Variants in NLGN1 observed in about 807,000 individuals in gnomAD.
NLGN1 encodes neuroligin-1.
Under a neutral mutation model 65.5 loss-of-function variants are expected in NLGN1, and 12 were observed. That is an observed-to-expected ratio of 0.18 (90% confidence interval 0.12 to 0.30). The LOEUF (loss-of-function observed/expected upper bound fraction) is 0.30. Ranked by LOEUF, NLGN1 falls within the 10% of genes least tolerant of loss-of-function variation. The probability of loss-of-function intolerance (pLI) is 1.00; values close to 1 mark genes in which losing one functional copy is unlikely to be tolerated. For missense variants in NLGN1, 750 were observed against 1,007.1 expected, an observed-to-expected ratio of 0.74 and a Z score of 3.46; for synonymous variants, 350 against 359.5, an observed-to-expected ratio of 0.97 and a Z score of 0.30.
chr3:173,518,455 ATAGT>A (rs1207077045), intron 2 of NLGN1, among the ~76,000 whole-genome samples: 2 of 148,750 alleles, frequency 1.3e-5, no homozygotes, highest in Non-Finnish European at 3.0e-5. Context: ...ATGTGTATAC[ATAGT>A]TATAGTTATA....
chr3:173,884,180 T>G (rs1349165348), intron 4 of NLGN1, among the ~76,000 whole-genome samples: 1 of 152,120 alleles, frequency 6.6e-6, no homozygotes, highest in Non-Finnish European at 1.5e-5. Context: ...TGAAAGGAGT[T>G]CTCTGCTCAG....
chr3:173,519,077 C>A (rs1195200820), intron 2 of NLGN1, among the ~76,000 whole-genome samples: 2 of 152,216 alleles, frequency 1.3e-5, no homozygotes, highest in African/African-American at 4.8e-5. Context: ...GCTCAGGTCA[C>A]TGCTTCAGAG....
chr3:173,703,740 C>T (rs1030919674), intron 3 of NLGN1, among the ~76,000 whole-genome samples: 4 of 152,160 alleles, frequency 2.6e-5, no homozygotes, highest in African/African-American at 9.7e-5. Context: ...TTAAGTAGCA[C>T]AAGGTCTTTC....
intron 4 of NLGN1, among the ~76,000 whole-genome samples, chr3:173,932,506 TAAA>T (rs35391510): frequency 6.3e-5 from 9 of 142,080 alleles, no homozygotes; most frequent in African/African-American, 2.3e-4. Context: ...GCACATTATT[TAAA>T]AAAAAAAAAA....
At chr3:173,772,650 A>C (rs1230196412) in intron 3 of NLGN1, among the ~76,000 whole-genome samples, 2 of 152,100 alleles carry the variant, frequency 1.3e-5, no homozygotes, top group Non-Finnish European at 2.9e-5. Context: ...TCAGCAACAA[A>C]AACTTGATAT....
intron 4 of NLGN1, among the ~76,000 whole-genome samples, chr3:173,897,606 C>T (rs750814060): frequency 3.9e-5 from 6 of 152,148 alleles, no homozygotes; most frequent in Non-Finnish European, 5.9e-5. Context: ...TGACAATTTA[C>T]ATTTTGATCT....
At chr3:173,922,961 A>C (rs376775243) in intron 4 of NLGN1, among the ~76,000 whole-genome samples, 3 of 152,242 alleles carry the variant, frequency 2.0e-5, no homozygotes, top group East Asian at 3.9e-4. Context: ...AAGTTAATGC[A>C]TGAAAAGCTT....
chr3:173,728,701 C>T (rs529581076), intron 3 of NLGN1, among the ~76,000 whole-genome samples: 24 of 152,116 alleles, frequency 1.6e-4, no homozygotes, highest in Non-Finnish European at 2.4e-4. Flanking sequence ...GGAAGAACAA[C>T]ATGTGAAAAA....
At chr3:174,210,430 A>G (rs1294620206) in intron 4 of NLGN1, among the ~76,000 whole-genome samples, 1 of 152,182 alleles carries the variant, frequency 6.6e-6, no homozygotes, top group African/African-American at 2.4e-5. Flanking sequence ...TATGCCCTTC[A>G]AAGTGTATAG....
At position 173,762,965 on chromosome 3, in the gene NLGN1, T is replaced by TACACACACACACACACAC. The variant is rs111427276; in HGVS notation, c.494-44697_494-44680dup. Among the ~76,000 whole-genome samples, 685 of 143,348 alleles carry TACACACACACACACACAC rather than the reference T, an allele frequency of 4.8e-3. 5 individuals are homozygous for TACACACACACACACACAC. The highest frequency in any genetic ancestry group is 0.013 in the African/African-American group (501 of 38,808). The allele number at this position is 143,348 out of a possible 152,430, so 94.0% of individuals were successfully genotyped here. A position where few individuals can be genotyped will look rare whatever the true frequency, so the allele number is the denominator to read the frequency against. On this transcript the variant is annotated intron_variant, in intron 3 of 6. Coordinates refer to ENST00000457714, the Ensembl canonical transcript of NLGN1. The stretch of plus-strand genomic sequence containing the variant: ...TGGGATTGTGTAAATTTGTCTCTGA[T>TACACACACACACACACAC]ACACACACACACACACACACACACA...
intron 4 of NLGN1, among the ~76,000 whole-genome samples, chr3:174,142,535 G>T (rs953640062): frequency 7.9e-5 from 12 of 152,266 alleles, no homozygotes; most frequent in Middle Eastern, 6.8e-3. Context: ...TCAAGCAGCA[G>T]TACTGATTTA....
At chr3:173,685,868 A>G (rs1022132109) in intron 3 of NLGN1, 21 of 887,376 alleles carry the variant, frequency 2.4e-5, no homozygotes, top group Non-Finnish European at 2.8e-5. Flanking sequence ...TCCTCTTACA[A>G]TTAAAATAAA....
intron 2 of NLGN1, among the ~76,000 whole-genome samples, chr3:173,594,043 G>A (rs1028110647): frequency 6.6e-6 from 1 of 152,124 alleles, no homozygotes; most frequent in Non-Finnish European, 1.5e-5. Context: ...TGAGAGTTGG[G>A]TGGGGACATA....
chr3:173,657,341 A>AC, intron 3 of NLGN1, among the ~76,000 whole-genome samples: 1 of 151,914 alleles, frequency 6.6e-6, no homozygotes, highest in Admixed American at 6.6e-5. Flanking sequence ...TGCAAATTGA[A>AC]TTGGTTTTTG....
chr3:173,539,437 AT>A (rs1322343588), intron 2 of NLGN1, among the ~76,000 whole-genome samples: 4 of 146,176 alleles, frequency 2.7e-5, no homozygotes, highest in Non-Finnish European at 6.0e-5. Context: ...TAACATATAT[AT>A]GTACATGTAT....
chr3:173,864,645 G>A (rs1419164392), intron 4 of NLGN1, among the ~76,000 whole-genome samples: 1 of 152,120 alleles, frequency 6.6e-6, no homozygotes, highest in Non-Finnish European at 1.5e-5. Flanking sequence ...TTGGAACCAT[G>A]CCATGAAAAG....
At chr3:174,231,870 C>T (rs1470013461) in intron 4 of NLGN1, among the ~76,000 whole-genome samples, 5 of 152,162 alleles carry the variant, frequency 3.3e-5, no homozygotes, top group Non-Finnish European at 7.4e-5. Flanking sequence ...ATTATTTTGC[C>T]TTTCTAAGTC....
intron 4 of NLGN1, among the ~76,000 whole-genome samples, chr3:174,061,052 T>G (rs1193743266): frequency 6.6e-6 from 1 of 152,132 alleles, no homozygotes; most frequent in Non-Finnish European, 1.5e-5. Flanking sequence ...GCCTATTAAA[T>G]AAGGTCTCAA....
At chr3:174,117,031 C>T (rs939033284) in intron 4 of NLGN1, among the ~76,000 whole-genome samples, 3 of 151,940 alleles carry the variant, frequency 2.0e-5, no homozygotes, top group South Asian at 2.1e-4. Flanking sequence ...TAAAAGTTGG[C>T]GTGACAGATA....
Sources: gnomAD v4.1 joint callset for allele counts (sites outside exome capture counted in the v4.1 genomes callset) on GRCh38, gnomAD v4.1.1 for gene constraint, MANE v1.5 for transcripts, NCBI Gene and HGNC (gene_info 2026-07-23, HGNC 2026-07-21) for gene names.